Variants in MAP2K6 observed in about 807,000 individuals in gnomAD.
MAP2K6 encodes the protein mitogen-activated protein kinase kinase 6.
A neutral mutation model predicts 53.7 loss-of-function variants in MAP2K6; 16 were observed. That is an observed-to-expected ratio of 0.30 (90% confidence interval 0.20 to 0.45). The LOEUF (loss-of-function observed/expected upper bound fraction) is 0.45. Among genes scored for constraint, MAP2K6 ranks in the 20% least tolerant of loss-of-function variants. MAP2K6 has a pLI of 1.00. For synonymous variants in MAP2K6, 132 were observed against 143.1 expected (o/e 0.92, Z 0.55); for missense variants, 204 against 411.9 (o/e 0.50, Z 4.37).
In MAP2K6 at chr17:69,521,035, T is replaced by G. The variant is rs1227044899; in HGVS notation, c.484-14T>G. On this transcript the variant is annotated splice_polypyrimidine_tract_variant and intron_variant, in intron 6 of 11. Coordinates refer to ENST00000590474, the MANE Select transcript of MAP2K6 (RefSeq NM_002758.4). ...CAATGTGATAAATAAATCTATCTTG[T>G]GTTTCTCTTGCAGATTGTAAAAGCA... The G allele has an allele frequency of 4.4e-6, 7 of 1,588,764 alleles. No homozygotes were observed. The highest frequency in any genetic ancestry group is 6.0e-6 in the Non-Finnish European group (7 of 1,162,938).
intron 4 of MAP2K6, among the ~76,000 whole-genome samples, chr17:69,518,681 C>T (rs1910301214): frequency 6.6e-6 from 1 of 152,258 alleles, no homozygotes; most frequent in South Asian, 2.1e-4. Context: ...ATTTTTCAGT[C>T]TGTTCTTCTG....
chr17:69,505,081 GAA>G (rs879863986), intron 1 of MAP2K6, among the ~76,000 whole-genome samples: 1 of 101,098 alleles, frequency 9.9e-6, no homozygotes, highest in Admixed American at 9.5e-5. Context: ...ACACTAAAAA[GAA>G]AAAAAAAAAG....
intron 1 of MAP2K6, among the ~76,000 whole-genome samples, chr17:69,463,603 CCTCT>C (rs889559477): frequency 4.5e-4 from 67 of 147,332 alleles, no homozygotes; most frequent in African/African-American, 1.5e-3. Context: ...TAGCTAGCTC[CCTCT>C]CTCTCTCTCT....
chr17:69,486,453 G>T (rs1352147360), intron 1 of MAP2K6, among the ~76,000 whole-genome samples: 1 of 152,190 alleles, frequency 6.6e-6, no homozygotes, highest in African/African-American at 2.4e-5. Flanking sequence ...CCAGATTTCA[G>T]AATCTCAGTG....
chr17:69,435,824 T>G (rs1906622957), intron 1 of MAP2K6, among the ~76,000 whole-genome samples: 2 of 152,002 alleles, frequency 1.3e-5, no homozygotes. Flanking sequence ...CCCGCCACCA[T>G]GCCTGGCTAA....
intron 11 of MAP2K6, among the ~76,000 whole-genome samples, chr17:69,536,516 A>G (rs1473001977): frequency 6.6e-6 from 1 of 152,232 alleles, no homozygotes; most frequent in African/African-American, 2.4e-5. Context: ...AATACTGAGG[A>G]AAACTTAAAT....
At chr17:69,424,598 C>T (rs1906205947) in intron 1 of MAP2K6, among the ~76,000 whole-genome samples, 1 of 152,118 alleles carries the variant, frequency 6.6e-6, no homozygotes, top group South Asian at 2.1e-4. Context: ...GAGCTCCTGG[C>T]GACTCCACTT....
intron 10 of MAP2K6, among the ~76,000 whole-genome samples, chr17:69,535,390 C>T (rs369416627): frequency 1.6e-4 from 25 of 152,166 alleles, no homozygotes; most frequent in Middle Eastern, 6.8e-3. Flanking sequence ...CCTAAGACTT[C>T]GAGACCAGCC....
chr17:69,490,432 A>G (rs539160333), intron 1 of MAP2K6, among the ~76,000 whole-genome samples: 6 of 152,220 alleles, frequency 3.9e-5, no homozygotes, highest in Non-Finnish European at 7.3e-5. Context: ...CAGGATCACA[A>G]GATGCTTCTG....
chr17:69,420,859 A>G (rs1223480344), intron 1 of MAP2K6, among the ~76,000 whole-genome samples: 1 of 152,182 alleles, frequency 6.6e-6, no homozygotes, highest in African/African-American at 2.4e-5. Context: ...TCTGTGTCCA[A>G]GAAATGGTGA....
chr17:69,477,817 T>G (rs761497694), intron 1 of MAP2K6, among the ~76,000 whole-genome samples: 3 of 152,182 alleles, frequency 2.0e-5, no homozygotes, highest in Non-Finnish European at 4.4e-5. Flanking sequence ...GCTTTGGGCC[T>G]GGTATTGACT....
intron 2 of MAP2K6, among the ~76,000 whole-genome samples, chr17:69,514,108 TAAAA>T (rs35309500): frequency 6.9e-6 from 1 of 144,284 alleles, no homozygotes; most frequent in African/African-American, 2.6e-5. Context: ...GACTCTGTCT[TAAAA>T]AAAAAAAAAA....
rs547166315 is a variant in MAP2K6, at chr17:69,456,980, C to T, written c.16+41980C>T. Among the ~76,000 whole-genome samples the T allele has an allele frequency of 1.6e-4, 24 of 152,330 alleles. No individual in the cohort carries two copies. In the South Asian group the frequency reaches 4.6e-3, roughly 29 times the overall value. On this transcript the variant is annotated intron_variant, in intron 1 of 11. Coordinates refer to ENST00000590474, the MANE Select transcript of MAP2K6 (RefSeq NM_002758.4). ...ACGCCCTACCTGACCTACTGCTTCA[C>T]GGCCGTGCATACGGAATCCTCTCAC...
At chr17:69,448,513 C>G (rs759494924) in intron 1 of MAP2K6, among the ~76,000 whole-genome samples, 1 of 152,106 alleles carries the variant, frequency 6.6e-6, no homozygotes, top group Non-Finnish European at 1.5e-5. Flanking sequence ...TGCTTGCTGC[C>G]GAGTCTGCCC....
At position 69,539,959 on chromosome 17, in the gene MAP2K6, T is replaced by C. The variant is rs546095789; in HGVS notation, c.928-1717T>C. 1.7e-3 allele frequency among the ~76,000 whole-genome samples: 259 copies of C among 152,310 alleles called. 3 individuals carry two copies. Among genetic ancestry groups the C allele is most frequent in the African/African-American group, 6.0e-3 (251 of 41,574 alleles). ...AAGGACCTGGCACTCAGAGCTTCAG[T>C]TGATTTCATGAGTGTAAGGATCGGA... On this transcript the variant is annotated intron_variant, in intron 11 of 11. Coordinates refer to ENST00000590474, the MANE Select transcript of MAP2K6 (RefSeq NM_002758.4).
rs1257456937 is a variant in MAP2K6 at position 69,542,451 on chromosome 17, C to CT, written c.*703dup. The CT allele has an allele frequency of 1.3e-5, 2 of 152,592 alleles. No individual in the cohort carries two copies. Among genetic ancestry groups the CT allele is most frequent in the Admixed American group, 6.5e-5 (1 of 15,280 alleles). The allele number at this position is 152,592 out of a possible 1,614,324, so 9.5% of individuals were successfully genotyped here. ...AGTGACAAGATGCTCTGGTCATACT[C>CT]TTTTTCCCAACTTTGGAAAACATAA... On this transcript the variant is annotated 3_prime_UTR_variant, in exon 12 of 12. Coordinates refer to ENST00000590474, the MANE Select transcript of MAP2K6 (RefSeq NM_002758.4).
At chr17:69,422,012 C>G (rs1479932010) in intron 1 of MAP2K6, among the ~76,000 whole-genome samples, 1 of 151,986 alleles carries the variant, frequency 6.6e-6, no homozygotes. Flanking sequence ...GATGGTCTTC[C>G]TGAGTTGGCC....
chr17:69,534,784 A>T (rs2716194), intron 10 of MAP2K6, among the ~76,000 whole-genome samples: 1 of 151,942 alleles, frequency 6.6e-6, no homozygotes, highest in Non-Finnish European at 1.5e-5. Flanking sequence ...CTCCAACTCC[A>T]GGCAAAATTC....
In MAP2K6 at chr17:69,548,918, T is replaced by C. The variant is rs1911985728; in HGVS notation, c.*7165T>C. On this transcript the variant is annotated 3_prime_UTR_variant, in exon 12 of 12. Coordinates refer to ENST00000590474, the MANE Select transcript of MAP2K6 (RefSeq NM_002758.4). ...AACTCCTCTGAAAGCCTCTTTGCTA[T>C]AGAGGTGATGAAGGCACTTGCTAGC... 2 of 152,218 alleles carry C rather than the reference T, an allele frequency of 1.3e-5. No individual in the cohort carries two copies. The highest frequency in any genetic ancestry group is 4.1e-4 in the South Asian group (2 of 4,832). 9.4% of individuals were successfully genotyped at this position (152,218 alleles called of 1,614,324 possible).
Sources: allele counts gnomAD v4.1 joint callset (sites outside exome capture counted in the v4.1 genomes callset), GRCh38; gene constraint gnomAD v4.1.1; transcripts MANE v1.5; gene names NCBI Gene and HGNC (gene_info 2026-07-23, HGNC 2026-07-21).